GTF2B: variants seen among roughly 807,000 people sequenced by gnomAD.
GTF2B encodes general transcription factor IIB, also known as transcription initiation factor IIB.
A neutral mutation model predicts 34.6 loss-of-function variants in GTF2B; 20 were observed. That is an observed-to-expected ratio of 0.58 (90% CI 0.41 to 0.84). The LOEUF is 0.84. Among genes scored for constraint, GTF2B ranks in the 40% least tolerant of loss-of-function variants. GTF2B has a pLI of 0.00. For missense variants in GTF2B, 237 were observed against 393.3 expected, an observed-to-expected ratio of 0.60 and a Z score of 3.36; for synonymous variants, 142 against 132.4, an observed-to-expected ratio of 1.07 and a Z score of -0.50.
chr1:88,890,138 TAAAAAGCCATGATAGAATTAAAAAAAA>T (rs950990167), intron 1 of GTF2B, among the ~76,000 whole-genome samples: 2 of 149,918 alleles, frequency 1.3e-5, no homozygotes, highest in African/African-American at 5.0e-5. Flanking sequence ...ATTTCAGACT[TAAAAAGCCATGATAGAATTAAAAAAAA>T]AAAAAGCCAT....
chr1:88,878,888 G>C (rs1673869621), intron 2 of GTF2B, among the ~76,000 whole-genome samples: 1 of 152,214 alleles, frequency 6.6e-6, no homozygotes, highest in South Asian at 2.1e-4. Flanking sequence ...CGGAGGTCAA[G>C]GAGCACGGAG....
intron 3 of GTF2B, among the ~76,000 whole-genome samples, chr1:88,861,536 T>A (rs1298737357): frequency 6.6e-6 from 1 of 152,188 alleles, no homozygotes; most frequent in East Asian, 1.9e-4. Flanking sequence ...TGGTGGCACA[T>A]GCCTGCAATC....
intron 3 of GTF2B, among the ~76,000 whole-genome samples, chr1:88,863,150 CA>C (rs1673480886): frequency 6.6e-6 from 1 of 152,072 alleles, no homozygotes; most frequent in Non-Finnish European, 1.5e-5. Flanking sequence ...ACTGAGCACA[CA>C]GTATACAATA....
At chr1:88,866,072 T>TA (rs1342034072) in intron 2 of GTF2B, among the ~76,000 whole-genome samples, 2 of 151,966 alleles carry the variant, frequency 1.3e-5, no homozygotes, top group Non-Finnish European at 2.9e-5. Flanking sequence ...GTGATAGATT[T>TA]AAAAAAAGGC....
intron 5 of GTF2B, 82 bp from the exon 6 acceptor site, chr1:88,857,569 T>A (rs1016911475): frequency 4.4e-6 from 3 of 684,794 alleles, no homozygotes; most frequent in African/African-American, 3.6e-5. Flanking sequence ...ATTATAAACA[T>A]AATATACATT....
chr1:88,869,784 G>A (rs1237827575), intron 2 of GTF2B, among the ~76,000 whole-genome samples: 1 of 152,066 alleles, frequency 6.6e-6, no homozygotes, highest in Non-Finnish European at 1.5e-5. Flanking sequence ...CTGCCACCAC[G>A]TCTGACTAAT....
At chr1:88,887,075 C>T (rs1027465509) in intron 2 of GTF2B, among the ~76,000 whole-genome samples, 186 bp downstream of exon 2, 2 of 152,018 alleles carry the variant, frequency 1.3e-5, no homozygotes, top group Non-Finnish European at 2.9e-5. Context: ...CCCACCACTA[C>T]GCCCGGCTAG....
At chr1:88,873,334 C>T (rs115467233) in intron 2 of GTF2B, among the ~76,000 whole-genome samples, 54 of 151,744 alleles carry the variant, frequency 3.6e-4, no homozygotes, top group Non-Finnish European at 6.3e-4. Context: ...GGATAACAGG[C>T]GCGCACCACC....
At chr1:88,871,862 G>T (rs946285588) in intron 2 of GTF2B, among the ~76,000 whole-genome samples, 1 of 152,040 alleles carries the variant, frequency 6.6e-6, no homozygotes, top group African/African-American at 2.4e-5. Flanking sequence ...CTCCCGAGTA[G>T]CTGGGATTAC....
intron 2 of GTF2B, among the ~76,000 whole-genome samples, chr1:88,881,331 C>T (rs1557660610): frequency 1.3e-5 from 2 of 152,038 alleles, no homozygotes; most frequent in South Asian, 2.1e-4. Context: ...TATTAAGTAC[C>T]ATCTATGATG....
chr1:88,873,940 A>G (rs1673756829), intron 2 of GTF2B, among the ~76,000 whole-genome samples: 1 of 152,196 alleles, frequency 6.6e-6, no homozygotes. Context: ...TAATGAAAGA[A>G]TGGGGAAATG....
intron 2 of GTF2B, among the ~76,000 whole-genome samples, chr1:88,881,758 GAT>G (rs1263482986): frequency 6.6e-6 from 1 of 152,104 alleles, no homozygotes; most frequent in Non-Finnish European, 1.5e-5. Context: ...AGTTTTATTG[GAT>G]ATGTTTTTCA....
intron 4 of GTF2B, 64 bp from the exon 5 acceptor site, chr1:88,860,075 A>T: frequency 6.2e-7 from 1 of 1,610,414 alleles, no homozygotes; most frequent in Non-Finnish European, 8.5e-7. Flanking sequence ...TCAAAATTTC[A>T]TGTGTTCATT....
chr1:88,859,589 A>G (rs1673389597), intron 5 of GTF2B, among the ~76,000 whole-genome samples: 1 of 152,154 alleles, frequency 6.6e-6, no homozygotes, highest in Admixed American at 6.5e-5. Flanking sequence ...TAATTCTAGC[A>G]CTTTGGGAGG....
At chr1:88,856,548 G>T (rs1038038494) in intron 6 of GTF2B, among the ~76,000 whole-genome samples, 3 of 152,038 alleles carry the variant, frequency 2.0e-5, no homozygotes, top group Admixed American at 2.0e-4. Flanking sequence ...ACAAAGCATG[G>T]CCTCCCTGAC....
chr1:88,856,294 A>AAAAAAAAAG, intron 6 of GTF2B, among the ~76,000 whole-genome samples: 4 of 149,130 alleles, frequency 2.7e-5, no homozygotes, highest in Admixed American at 6.7e-5. Context: ...AAAAAAACAA[A>AAAAAAAAAG]AAAAAAAAAG....
At chr1:88,877,660 A>AGT (rs897073560) in intron 2 of GTF2B, among the ~76,000 whole-genome samples, 6 of 152,232 alleles carry the variant, frequency 3.9e-5, no homozygotes, top group Admixed American at 3.9e-4. Flanking sequence ...GGCCGGACAC[A>AGT]GTGGCTCATG....
chr1:88,878,206 G>T (rs990026410), intron 2 of GTF2B, among the ~76,000 whole-genome samples: 1 of 151,696 alleles, frequency 6.6e-6, no homozygotes, highest in African/African-American at 2.4e-5. Flanking sequence ...CCAGGGAGGT[G>T]GAAGTTGCAG....
At chr1:88,855,921 A>G (rs897354685) in intron 6 of GTF2B, among the ~76,000 whole-genome samples, 1 of 152,220 alleles carries the variant, frequency 6.6e-6, no homozygotes, top group African/African-American at 2.4e-5. Context: ...TTGTTCATGA[A>G]TAACTTCTGT....
Sources: gnomAD v4.1 joint callset for allele counts (sites outside exome capture counted in the v4.1 genomes callset) on GRCh38, gnomAD v4.1.1 for gene constraint, MANE v1.5 for transcripts, NCBI Gene and HGNC (gene_info 2026-07-23, HGNC 2026-07-21) for gene names.